Variants in TMEM123 observed in about 807,000 individuals in gnomAD.
TMEM123 encodes porimin.
TMEM123 carries 16 observed loss-of-function variants against 19.7 expected under a neutral mutation model. The observed-to-expected ratio is 0.81, with a 90% CI of 0.55 to 1.23. TMEM123 has a LOEUF of 1.23. TMEM123 is among the 50% of genes most tolerant of loss of function. The pLI is 0.00. For synonymous variants in TMEM123, 118 were observed against 99.4 expected (o/e 1.19, Z -1.12); for missense variants, 313 against 257.8 (o/e 1.21, Z -1.47).
intron 2 of TMEM123, among the ~76,000 whole-genome samples, chr11:102,428,024 A>G (rs1484071341): frequency 6.6e-6 from 1 of 151,882 alleles, no homozygotes; most frequent in Admixed American, 6.6e-5. Context: ...CTGGAAGGAA[A>G]AATGAGATGC....
chr11:102,433,171 G>A (rs1194632331), intron 2 of TMEM123, among the ~76,000 whole-genome samples: 4 of 151,880 alleles, frequency 2.6e-5, no homozygotes, highest in Admixed American at 2.0e-4. Flanking sequence ...CCCCCAGAAT[G>A]GTAGACCCAT....
intron 2 of TMEM123, among the ~76,000 whole-genome samples, chr11:102,412,593 GA>G (rs1461810294): frequency 2.6e-5 from 4 of 151,468 alleles, no homozygotes; most frequent in African/African-American, 7.3e-5. Context: ...CTACTGGCCA[GA>G]AAAAAAAGAT....
At position 102,401,041 on chromosome 11, in the gene TMEM123, C is replaced by G. The variant is rs79661636; in HGVS notation, c.602+498G>C. ...ATGCACATCTAAAAAGAGAGTTTTGCTACAGGTAAAATGATAAATTATATT... is the reference window on the plus strand; with the variant it reads ...ATGCACATCTAAAAAGAGAGTTTTGGTACAGGTAAAATGATAAATTATATT... On this transcript the variant is annotated intron_variant, in intron 4 of 4. Coordinates refer to ENST00000398136, the MANE Select transcript of TMEM123 (RefSeq NM_052932.3). Among the ~76,000 whole-genome samples, 245 of 152,254 alleles carry G rather than the reference C, an allele frequency of 1.6e-3. 1 individual carries two copies. The highest frequency in any genetic ancestry group is 5.5e-3 in the African/African-American group (229 of 41,556).
At chr11:102,408,605 A>G (rs962603151) in intron 2 of TMEM123, among the ~76,000 whole-genome samples, 6 of 152,216 alleles carry the variant, frequency 3.9e-5, no homozygotes, top group African/African-American at 1.4e-4. Flanking sequence ...TACTTCCCAC[A>G]GTCCCTGAGA....
chr11:102,409,117 A>C (rs1306420186), intron 2 of TMEM123, among the ~76,000 whole-genome samples: 1 of 152,204 alleles, frequency 6.6e-6, no homozygotes, highest in East Asian at 1.9e-4. Context: ...TACACACTTA[A>C]ACCAGAGTTG....
At position 102,401,972 on chromosome 11, in the gene TMEM123, G is replaced by T. The variant is rs1462839280; in HGVS notation, c.392C>A (p.Ser131Tyr). The T allele has an allele frequency of 3.7e-6, 6 of 1,614,080 alleles. No individual in the cohort carries two copies. The highest frequency in any genetic ancestry group is 5.1e-6 in the Non-Finnish European group (6 of 1,180,050). The part of the protein sequence containing the change: ...VSQNTSQIST[S>Y]TMTVTHNSSV... ...ACTATTGTGGGTTACGGTCATTGTG[G>T]ATGTTGATATCTGAGATGTGTTCTG... is the stretch of plus-strand genomic sequence containing the variant. Residue 131 changes from serine (S) to tyrosine (Y), a missense_variant, in exon 3 of 5, where the codon TCC becomes TAC. By Grantham distance (144) the Ser-to-Tyr change is moderately radical. Coordinates refer to ENST00000398136, the MANE Select transcript of TMEM123 (RefSeq NM_052932.3).
At chr11:102,425,874 C>T (rs954178867) in intron 2 of TMEM123, among the ~76,000 whole-genome samples, 4 of 152,092 alleles carry the variant, frequency 2.6e-5, no homozygotes, top group South Asian at 2.1e-4. Flanking sequence ...GCCCGGCCCT[C>T]GAGATTTTCC....
Position 102,424,728 on chromosome 11 carries a change from C to T in TMEM123, c.158-22522G>A, listed in dbSNP as rs7120991. Among the ~76,000 whole-genome samples, 1,342 of 151,842 alleles carry T rather than the reference C, an allele frequency of 8.8e-3. 22 individuals are homozygous for T. The highest frequency in any genetic ancestry group is 0.03 in the African/African-American group (1,261 of 41,410). On this transcript the variant is annotated intron_variant, in intron 2 of 4. Coordinates refer to ENST00000398136, the MANE Select transcript of TMEM123 (RefSeq NM_052932.3). Reference sequence around the variant, plus strand: ...ACTCAGTAAGCGAGGGGAGTCAGGGCACAGAAGACCCTGAGTTTCATTCTA... The same window carrying T: ...ACTCAGTAAGCGAGGGGAGTCAGGGTACAGAAGACCCTGAGTTTCATTCTA...
chr11:102,426,200 G>GTCTAAATAACCATAGTATCCTA (rs1952124958), intron 2 of TMEM123, among the ~76,000 whole-genome samples: 1 of 152,156 alleles, frequency 6.6e-6, no homozygotes, highest in Non-Finnish European at 1.5e-5. Flanking sequence ...TTGCTTTTGA[G>GTCTAAATAACCATAGTATCCTA]TCTAAATAAC....
chr11:102,414,554 A>G lies in TMEM123; in HGVS notation c.158-12348T>C, dbSNP rs550471412. Among the ~76,000 whole-genome samples the G allele has an allele frequency of 2.6e-5, 4 of 152,366 alleles. No homozygotes were observed. The East Asian group carries it at 7.7e-4, about 29-fold the overall frequency. ...TTGGGGGCCTATATTCGGCACCCTT[A>G]AAGAAGAGAAATTTCAACCAAGAAT... On this transcript the variant is annotated intron_variant, in intron 2 of 4. Transcript: ENST00000398136.
At chr11:102,423,971 T>A (rs560797276) in intron 2 of TMEM123, among the ~76,000 whole-genome samples, 184 of 152,294 alleles carry the variant, frequency 1.2e-3, no homozygotes, top group South Asian at 3.3e-3. Flanking sequence ...CAGATTTTTT[T>A]AAAAAAATCA....
intron 2 of TMEM123, among the ~76,000 whole-genome samples, chr11:102,446,950 A>C (rs1273861622): frequency 2.0e-5 from 3 of 152,216 alleles, no homozygotes; most frequent in Admixed American, 2.0e-4. Flanking sequence ...TGTTCAAAGA[A>C]ACAAAGCTTC....
rs1188371748 is a variant in TMEM123, at chr11:102,401,539, A to G, written c.602T>C (p.Ile201Thr). The G allele has an allele frequency of 1.9e-6, 3 of 1,563,592 alleles. No individual in the cohort carries two copies. The highest frequency in any genetic ancestry group is 2.3e-5 in the East Asian group (1 of 43,792). The change falls in exon 4 of 5, where the codon ATA becomes ACA. Residue 201 changes from isoleucine (I) to threonine (T), a missense_variant and splice_region_variant. Physicochemically the swap from Ile to Thr is moderately conservative, Grantham distance 89 (BLOSUM62 -1). Coordinates refer to ENST00000398136, the MANE Select transcript of TMEM123 (RefSeq NM_052932.3). ...AAAGTCCTGGCCATTCAAAACTTAC[A>G]TGGTTCGATACCGAATGCCTCTTCT... ...YSRRGIRYRTIDEHDAII is the reference protein window; with the variant it reads ...YSRRGIRYRTTDEHDAII
At chr11:102,409,532 C>A (rs555240400) in intron 2 of TMEM123, among the ~76,000 whole-genome samples, 2 of 151,898 alleles carry the variant, frequency 1.3e-5, no homozygotes, top group South Asian at 4.2e-4. Flanking sequence ...CAAAAATCCA[C>A]ACTATTGAAA....
rs1591551606 is a variant in TMEM123 at position 102,398,828 on chromosome 11, A to G, written c.*39T>C. The G allele has an allele frequency of 6.2e-7, 1 of 1,601,272 alleles. No individual in the cohort carries two copies. The highest frequency in any genetic ancestry group is 1.7e-5 in the Admixed American group (1 of 57,634). On this transcript the variant is annotated 3_prime_UTR_variant, in exon 5 of 5. Coordinates refer to ENST00000398136, the MANE Select transcript of TMEM123 (RefSeq NM_052932.3). ...ATAAACCAAAATTAATTGATAGGGC[A>G]GCATCAATCTGTATTCCATCCTTGG... is the stretch of plus-strand genomic sequence containing the variant.
chr11:102,436,568 G>A (rs772600712), intron 2 of TMEM123, among the ~76,000 whole-genome samples: 10 of 151,822 alleles, frequency 6.6e-5, no homozygotes, highest in African/African-American at 1.7e-4. Flanking sequence ...TAAAAAACAC[G>A]GACACACAAA....
At chr11:102,446,697 T>C (rs1049451026) in intron 2 of TMEM123, among the ~76,000 whole-genome samples, 8 of 152,292 alleles carry the variant, frequency 5.3e-5, no homozygotes, top group Admixed American at 1.3e-4. Flanking sequence ...CTCAAGGAAC[T>C]TGGAGACCAA....
At chr11:102,443,099 A>T (rs1348738025) in intron 2 of TMEM123, among the ~76,000 whole-genome samples, 1 of 152,070 alleles carries the variant, frequency 6.6e-6, no homozygotes, top group Non-Finnish European at 1.5e-5. Flanking sequence ...AAGAATCAAT[A>T]TCGTGAAAAT....
intron 2 of TMEM123, among the ~76,000 whole-genome samples, chr11:102,443,443 G>A (rs1857847994): frequency 6.6e-6 from 1 of 152,116 alleles, no homozygotes; most frequent in South Asian, 2.1e-4. Flanking sequence ...CAAGAAATGA[G>A]GAAAGGATTC....
Sources: gnomAD v4.1 joint callset for allele counts (sites outside exome capture counted in the v4.1 genomes callset) on GRCh38, gnomAD v4.1.1 for gene constraint, MANE v1.5 for transcripts, NCBI Gene and HGNC (gene_info 2026-07-23, HGNC 2026-07-21) for gene names.